Variants in CTNNA1 observed in about 807,000 individuals in gnomAD.
The protein encoded by CTNNA1 is catenin alpha-1.
Under a neutral mutation model 98.4 loss-of-function variants are expected in CTNNA1, and 37 were observed. The ratio of observed to expected loss-of-function variants is 0.38; its 90% CI spans 0.29 to 0.49. CTNNA1 has a LOEUF of 0.49. Among genes scored for constraint, CTNNA1 ranks in the 20% least tolerant of loss-of-function variants. The pLI is 0.95. For synonymous variants in CTNNA1, 404 were observed against 413.2 expected, an observed-to-expected ratio of 0.98 and a Z score of 0.27; for missense variants, 761 against 1,147.2, an observed-to-expected ratio of 0.66 and a Z score of 4.86.
intron 3 of CTNNA1, among the ~76,000 whole-genome samples, chr5:138,802,751 TG>T (rs544187119): frequency 6.2e-4 from 95 of 152,294 alleles, no homozygotes; most frequent in African/African-American, 2.2e-3. Context: ...TTTTGTTTTT[TG>T]ACTTCTGAGT....
intron 7 of CTNNA1, among the ~76,000 whole-genome samples, chr5:138,852,231 A>C (rs1032381145): frequency 6.6e-6 from 1 of 152,166 alleles, no homozygotes; most frequent in Admixed American, 6.5e-5. Context: ...CAATACTTTT[A>C]ACATTGCCTC....
intron 1 of CTNNA1, among the ~76,000 whole-genome samples, chr5:138,777,903 A>AGGAGGGAGGGGG (rs1561515271): frequency 1.1e-4 from 1 of 9,508 alleles, no homozygotes; most frequent in African/African-American, 5.0e-4. Flanking sequence ...AGGGAGAGGG[A>AGGAGGGAGGGGG]GAGGAGGGAG....
At chr5:138,762,721 A>G (rs1752500895) in intron 1 of CTNNA1, among the ~76,000 whole-genome samples, 1 of 151,930 alleles carries the variant, frequency 6.6e-6, no homozygotes, top group African/African-American at 2.4e-5. Flanking sequence ...CGGATGTTCT[A>G]AATACTTGTA....
At chr5:138,777,751 G>A (rs1482654418) in intron 1 of CTNNA1, among the ~76,000 whole-genome samples, 7 of 151,038 alleles carry the variant, frequency 4.6e-5, no homozygotes, top group Admixed American at 6.6e-5. Context: ...ACAGGCACTC[G>A]GCAGGCTGAG....
intron 5 of CTNNA1, among the ~76,000 whole-genome samples, chr5:138,821,044 A>G (rs994977540): frequency 2.0e-5 from 3 of 152,212 alleles, no homozygotes; most frequent in African/African-American, 7.2e-5. Context: ...TTCAATAAAT[A>G]TTTGTTTAAC....
intron 1 of CTNNA1, among the ~76,000 whole-genome samples, chr5:138,774,855 C>T (rs1355166874): frequency 6.6e-6 from 1 of 152,076 alleles, no homozygotes; most frequent in Non-Finnish European, 1.5e-5. Context: ...GTGATCCGCC[C>T]ACCTCGGCCT....
At chr5:138,838,753 G>A (rs1034579050) in intron 7 of CTNNA1, among the ~76,000 whole-genome samples, 2 of 151,940 alleles carry the variant, frequency 1.3e-5, no homozygotes, top group Non-Finnish European at 2.9e-5. Context: ...ATTCTGATAC[G>A]TTGTATTTTC....
In CTNNA1 at chr5:138,874,033, C is replaced by A; in HGVS notation, c.1063-12179C>A. The A allele has an allele frequency of 1.2e-6, 2 of 1,614,012 alleles. No individual in the cohort carries two copies. The highest frequency in any genetic ancestry group is 2.2e-5 in the South Asian group (2 of 91,088). On this transcript the variant is annotated intron_variant, in intron 7 of 17. Transcript: ENST00000302763. The surrounding 1 kb of genome is among the most constrained non-coding windows in gnomAD (Gnocchi z 4.1). ...ACTCCAGACTACGACAGTCCCAGAA[C>A]AGGCGTACTGGGATAGTCCGCAGGG...
At chr5:138,894,783 T>TA (rs1253764279) in intron 9 of CTNNA1, among the ~76,000 whole-genome samples, 2 of 152,082 alleles carry the variant, frequency 1.3e-5, no homozygotes, top group Admixed American at 1.3e-4. Flanking sequence ...CCATGGCCCC[T>TA]AAGTTTCCCT....
intron 8 of CTNNA1, among the ~76,000 whole-genome samples, chr5:138,886,669 C>T (rs532409293): frequency 1.3e-5 from 2 of 152,288 alleles, no homozygotes; most frequent in South Asian, 2.1e-4. Flanking sequence ...ATACTCATTA[C>T]ACACTTGCAG....
chr5:138,888,819 C>T (rs574887081), intron 9 of CTNNA1, among the ~76,000 whole-genome samples: 10 of 152,036 alleles, frequency 6.6e-5, no homozygotes, highest in Admixed American at 5.2e-4. Context: ...GGATTATAGG[C>T]GTGAGCCACT....
intron 13 of CTNNA1, among the ~76,000 whole-genome samples, chr5:138,927,952 C>A (rs1385741024): frequency 3.3e-5 from 5 of 152,040 alleles, no homozygotes; most frequent in Non-Finnish European, 7.4e-5. Context: ...GCCTCCAGGA[C>A]CTCACACCGA....
intron 7 of CTNNA1, 172 bp downstream of exon 7, chr5:138,827,890 C>T: frequency 1.5e-6 from 1 of 683,306 alleles, no homozygotes; most frequent in South Asian, 2.0e-5. Context: ...GTGGCTCTTT[C>T]CTCTCTCCAG....
At chr5:138,892,465 A>C (rs1165502681) in intron 9 of CTNNA1, among the ~76,000 whole-genome samples, 1 of 149,362 alleles carries the variant, frequency 6.7e-6, no homozygotes, top group East Asian at 2.0e-4. Flanking sequence ...CAGCCTCTCA[A>C]GTTGCTAGGA....
intron 11 of CTNNA1, among the ~76,000 whole-genome samples, chr5:138,922,699 C>T (rs1763166672): frequency 6.6e-6 from 1 of 152,144 alleles, no homozygotes; most frequent in African/African-American, 2.4e-5. Flanking sequence ...ACTCGCACCT[C>T]CCCCCATCAG....
intron 5 of CTNNA1, among the ~76,000 whole-genome samples, chr5:138,814,153 TTA>T (rs1759158136): frequency 6.6e-6 from 1 of 152,194 alleles, no homozygotes; most frequent in Non-Finnish European, 1.5e-5. Context: ...TCAGACTAAC[TTA>T]TATATGAGAT....
chr5:138,829,773 C>T (rs887447089), intron 7 of CTNNA1, among the ~76,000 whole-genome samples: 3 of 152,120 alleles, frequency 2.0e-5, no homozygotes, highest in Non-Finnish European at 2.9e-5. Context: ...AAATCTTGGC[C>T]GGGCACGGTG....
intron 7 of CTNNA1, 58 bp downstream of exon 7, chr5:138,827,776 A>C: frequency 6.3e-7 from 1 of 1,594,634 alleles, no homozygotes; most frequent in East Asian, 2.2e-5. Flanking sequence ...GTTTTCTATA[A>C]CATGTTGGAT....
At chr5:138,770,882 G>A (rs979299800) in intron 1 of CTNNA1, among the ~76,000 whole-genome samples, 1 of 151,634 alleles carries the variant, frequency 6.6e-6, no homozygotes, top group Non-Finnish European at 1.5e-5. Context: ...AACCCGGGAG[G>A]CAGGGCTTGC....
Sources: allele counts gnomAD v4.1 joint callset (sites outside exome capture counted in the v4.1 genomes callset), GRCh38; gene constraint gnomAD v4.1.1; non-coding constraint Gnocchi (gnomAD v3.1); transcripts MANE v1.5; gene names NCBI Gene and HGNC (gene_info 2026-07-23, HGNC 2026-07-21).